Variants in CAB39L observed in about 807,000 individuals in gnomAD.
CAB39L encodes the protein calcium binding protein 39 like.
Under a neutral mutation model 39.1 loss-of-function variants are expected in CAB39L, and 23 were observed. The observed-to-expected ratio is 0.59, with a 90% CI of 0.42 to 0.83. The LOEUF (loss-of-function observed/expected upper bound fraction) is 0.83, where lower values mean the gene tolerates loss of function less well. CAB39L is among the 40% of genes least tolerant of loss of function. CAB39L has a pLI of 0.00. For missense variants in CAB39L, 366 were observed against 391.9 expected (o/e 0.93, Z 0.56); for synonymous variants, 126 against 137.2 (o/e 0.92, Z 0.57).
intron 3 of CAB39L, among the ~76,000 whole-genome samples, chr13:49,385,462 T>C (rs1235253928): frequency 1.3e-5 from 2 of 152,190 alleles, no homozygotes; most frequent in African/African-American, 2.4e-5. Flanking sequence ...TTCACTGGAG[T>C]AGCACTTTTC....
At chr13:49,415,792 C>T (rs1375308967) in intron 3 of CAB39L, among the ~76,000 whole-genome samples, 1 of 152,134 alleles carries the variant, frequency 6.6e-6, no homozygotes, top group East Asian at 1.9e-4. Context: ...TAAAATAATG[C>T]TTTGTACACG....
At chr13:49,333,908 G>A (rs770242413) in intron 9 of CAB39L, among the ~76,000 whole-genome samples, 8 of 151,988 alleles carry the variant, frequency 5.3e-5, no homozygotes, top group Non-Finnish European at 8.8e-5. Flanking sequence ...CTGGGCAGTC[G>A]CACTTGAACA....
At chr13:49,442,587 T>C (rs1482173337) in intron 1 of CAB39L, among the ~76,000 whole-genome samples, 1 of 150,698 alleles carries the variant, frequency 6.6e-6, no homozygotes, top group Non-Finnish European at 1.5e-5. Context: ...AAGTCAGGAG[T>C]TCAAGACCAG....
At chr13:49,329,571 ATATATATATATATATATATATATAT>A (rs1566066167) in intron 10 of CAB39L, among the ~76,000 whole-genome samples, 2 of 78,120 alleles carry the variant, frequency 2.6e-5, no homozygotes, top group African/African-American at 1.2e-4. Flanking sequence ...ATATATATAT[ATATATATATATATATATATATATAT>A]AATGATGTAA....
chr13:49,346,097 C>A (rs1282811847), intron 7 of CAB39L, among the ~76,000 whole-genome samples: 28 of 8,676 alleles, frequency 3.2e-3, no homozygotes, highest in East Asian at 0.019. Flanking sequence ...TATATATATG[C>A]TAGATATATA....
At chr13:49,332,732 C>T (rs1420672888) in intron 9 of CAB39L, among the ~76,000 whole-genome samples, 1 of 151,912 alleles carries the variant, frequency 6.6e-6, no homozygotes, top group Non-Finnish European at 1.5e-5. Context: ...GTTGAAGACC[C>T]TCTAGCAACA....
intron 3 of CAB39L, among the ~76,000 whole-genome samples, chr13:49,426,482 A>G (rs762074482): frequency 1.8e-4 from 28 of 152,080 alleles, no homozygotes; most frequent in Non-Finnish European, 3.8e-4. Flanking sequence ...GCTGGAGTGC[A>G]GTGGCATGAT....
chr13:49,414,772 C>T (rs7332393), intron 3 of CAB39L, among the ~76,000 whole-genome samples: 83,658 of 151,874 alleles, frequency 0.55, 23,161 homozygotes, highest in South Asian at 0.64. Context: ...GGTAGTAAGA[C>T]TACAGATTAC....
rs61633162 is a variant in CAB39L, at chr13:49,319,830, TAA to T, written c.835-8839_835-8838del. On this transcript the variant is annotated intron_variant, in intron 10 of 10. Transcript: ENST00000409308. Reference sequence around the variant, plus strand: ...ATAACTCATGACAGTCTTTCTTTCTTAAAAAAAAAAAAAAAAAGATTAACTAT... The same window carrying T: ...ATAACTCATGACAGTCTTTCTTTCTTAAAAAAAAAAAAAAAGATTAACTAT... 3.4e-3 allele frequency among the ~76,000 whole-genome samples: 425 copies of T among 126,196 alleles called. 8 individuals carry two copies. In the East Asian group the frequency reaches 0.051, roughly 15 times the overall value. The allele number at this position is 126,196 out of a possible 152,430, so 82.8% of individuals were successfully genotyped here. A position where few individuals can be genotyped will look rare whatever the true frequency, so the allele number is the denominator to read the frequency against.
chr13:49,423,947 C>A (rs1005111268), intron 3 of CAB39L, among the ~76,000 whole-genome samples: 1 of 152,048 alleles, frequency 6.6e-6, no homozygotes, highest in Non-Finnish European at 1.5e-5. Flanking sequence ...TCTTTGGTGA[C>A]AGGAAAGAAA....
At chr13:49,410,124 G>C (rs1339951911) in intron 3 of CAB39L, among the ~76,000 whole-genome samples, 1 of 152,112 alleles carries the variant, frequency 6.6e-6, no homozygotes, top group African/African-American at 2.4e-5. Flanking sequence ...TTAAGAAACA[G>C]ATCTTGGAGC....
At chr13:49,342,929 G>C (rs887095499) in intron 8 of CAB39L, among the ~76,000 whole-genome samples, 1 of 151,892 alleles carries the variant, frequency 6.6e-6, no homozygotes, top group Non-Finnish European at 1.5e-5. Context: ...AACATTTTTC[G>C]TATGTTGGGT....
intron 3 of CAB39L, among the ~76,000 whole-genome samples, chr13:49,388,198 G>T (rs957241978): frequency 1.3e-5 from 2 of 152,132 alleles, no homozygotes; most frequent in African/African-American, 2.4e-5. Context: ...ACAAACAGGT[G>T]TTACAACAAT....
At chr13:49,377,731 T>C (rs1238681917) in intron 4 of CAB39L, among the ~76,000 whole-genome samples, 1 of 81,478 alleles carries the variant, frequency 1.2e-5, no homozygotes, top group East Asian at 2.2e-4. Flanking sequence ...TGGCGTGATC[T>C]CGGCTCACTA....
intron 3 of CAB39L, among the ~76,000 whole-genome samples, chr13:49,414,845 A>G (rs889218517): frequency 6.6e-6 from 1 of 152,182 alleles, no homozygotes; most frequent in African/African-American, 2.4e-5. Flanking sequence ...TATAAGTGGA[A>G]AATTTGTTTT....
At chr13:49,437,314 A>G (rs1453934423) in intron 1 of CAB39L, among the ~76,000 whole-genome samples, 1 of 152,076 alleles carries the variant, frequency 6.6e-6, no homozygotes, top group Admixed American at 6.6e-5. Context: ...AGAAATGAGT[A>G]TCTATTTTCT....
intron 7 of CAB39L, among the ~76,000 whole-genome samples, chr13:49,344,923 C>T (rs1369363919): frequency 6.6e-6 from 1 of 152,154 alleles, no homozygotes; most frequent in Non-Finnish European, 1.5e-5. Flanking sequence ...GTAGCACAAT[C>T]CATCCTTTCA....
intron 3 of CAB39L, among the ~76,000 whole-genome samples, chr13:49,403,559 T>TA (rs1250503167): frequency 1.3e-5 from 2 of 151,968 alleles, no homozygotes; most frequent in African/African-American, 4.8e-5. Flanking sequence ...ACAAAGACAT[T>TA]AAAACTATTA....
At chr13:49,403,625 G>A (rs968493034) in intron 3 of CAB39L, among the ~76,000 whole-genome samples, 1 of 151,286 alleles carries the variant, frequency 6.6e-6, no homozygotes, top group Non-Finnish European at 1.5e-5. Context: ...GTTAAGGAGA[G>A]ACATGGCAGA....
Sources: allele counts gnomAD v4.1 joint callset (sites outside exome capture counted in the v4.1 genomes callset), GRCh38; gene constraint gnomAD v4.1.1; transcripts MANE v1.5; gene names NCBI Gene and HGNC (gene_info 2026-07-23, HGNC 2026-07-21).